Variants in BRPF3 observed in about 807,000 individuals in gnomAD.
The protein encoded by BRPF3 is bromodomain and PHD finger containing 3.
In BRPF3, 18 loss-of-function variants were observed where a neutral mutation model predicts 102.0. The observed-to-expected ratio is 0.18, with a 90% CI of 0.12 to 0.26. The LOEUF is 0.26. Among genes scored for constraint, BRPF3 ranks in the 10% least tolerant of loss-of-function variants. The pLI is 1.00. For synonymous variants in BRPF3, 570 were observed against 614.2 expected (o/e 0.93, Z 1.06); for missense variants, 1,147 against 1,567.8 (o/e 0.73, Z 4.53).
chr6:36,205,734 T>A (rs546969271), intron 3 of BRPF3, among the ~76,000 whole-genome samples: 14 of 152,298 alleles, frequency 9.2e-5, no homozygotes, highest in South Asian at 2.1e-4. Flanking sequence ...ATGGTAACAT[T>A]CCCAGTGGCT....
chr6:36,202,222 G>A (rs1033079932), intron 2 of BRPF3, among the ~76,000 whole-genome samples: 5 of 152,136 alleles, frequency 3.3e-5, no homozygotes, highest in African/African-American at 1.2e-4. Context: ...CTTGGGGAGG[G>A]TAGAACTAAT....
At chr6:36,213,385 AG>A (rs1768200828) in intron 7 of BRPF3, among the ~76,000 whole-genome samples, 1 of 152,194 alleles carries the variant, frequency 6.6e-6, no homozygotes, top group Non-Finnish European at 1.5e-5. Context: ...GAGAACTACT[AG>A]TGTAGATAAA....
In BRPF3 at chr6:36,225,484, G is replaced by T. The variant is rs1016109348; in HGVS notation, c.3279+120G>T. 3.8e-4 allele frequency: 338 copies of T among 888,606 alleles called. 2 individuals carry two copies. The highest frequency in any genetic ancestry group is 5.1e-4 in the Non-Finnish European group (303 of 593,650). 55.0% of individuals were successfully genotyped at this position (888,606 alleles called of 1,614,324 possible). On this transcript the variant is annotated intron_variant, in intron 11 of 12. Transcript: ENST00000357641. ...GAGTGTCTTTAGCTGTAGAGGGGAG[G>T]GGGGTTTTGCCCCAGCCTGAGTGGG...
intron 10 of BRPF3, among the ~76,000 whole-genome samples, chr6:36,224,990 G>A (rs1768681450): frequency 1.3e-5 from 2 of 152,226 alleles, no homozygotes; most frequent in Admixed American, 1.3e-4. Context: ...GTGTGTGGCT[G>A]CTTTCATGCT....
chr6:36,201,388 G>A lies in BRPF3; in HGVS notation c.1066G>A (p.Ala356Thr), dbSNP rs1223917743. The change falls in exon 2 of 13, where the codon GCT becomes ACT. Residue 356 changes from alanine to threonine, a missense_variant. Ala to Thr is a moderately conservative substitution (Grantham distance 58). Coordinates refer to ENST00000357641, the MANE Select transcript of BRPF3 (RefSeq NM_015695.3). This position sits in a 1 kb window ranked among gnomAD's most constrained non-coding sequence, Gnocchi z 5.1. ...ATTCCATGTGACATGTGCACAGCGGGCTGGGCTCTTCATGAAGATTGAGCC... is the reference window on the plus strand; with the variant it reads ...ATTCCATGTGACATGTGCACAGCGGACTGGGCTCTTCATGAAGATTGAGCC... ...TAFHVTCAQR[A>T]GLFMKIEPMR... is the part of the protein sequence containing the mutation. The A allele has an allele frequency of 6.2e-7, 1 of 1,614,144 alleles. No homozygotes were observed. The highest frequency in any genetic ancestry group is 1.1e-5 in the South Asian group (1 of 91,074).
rs968784899 is a variant in BRPF3 at position 36,231,044 on chromosome 6, GA to G, written c.*437del. 6.0e-6 allele frequency: 1 copy of G among 166,364 alleles called. No homozygotes were observed. The highest frequency in any genetic ancestry group is 2.4e-5 in the African/African-American group (1 of 41,768). The allele number at this position is 166,364 out of a possible 1,614,324, so 10.3% of individuals were successfully genotyped here. On this transcript the variant is annotated 3_prime_UTR_variant, in exon 13 of 13. Transcript: ENST00000357641. ...CGTGGATACGCCAGGGTCCCAGGGG[GA>G]ATCTCCCCAAGCTCACACTCTCTCC...
intron 9 of BRPF3, among the ~76,000 whole-genome samples, chr6:36,220,258 T>A (rs1768487002): frequency 6.6e-6 from 1 of 152,242 alleles, no homozygotes; most frequent in African/African-American, 2.4e-5. Flanking sequence ...CATTCTATAG[T>A]ACAGTATTAG....
chr6:36,220,611 G>A (rs892574539), intron 9 of BRPF3, among the ~76,000 whole-genome samples: 4 of 152,114 alleles, frequency 2.6e-5, no homozygotes, highest in South Asian at 2.1e-4. Flanking sequence ...TCATCTTGAC[G>A]TGAACTTTGA....
At chr6:36,216,408 A>G (rs1768330003) in intron 8 of BRPF3, among the ~76,000 whole-genome samples, 1 of 152,236 alleles carries the variant, frequency 6.6e-6, no homozygotes, top group Non-Finnish European at 1.5e-5. Context: ...AGATACTGCT[A>G]GAATCCTGTC....
At chr6:36,224,395 T>C (rs1170804819) in intron 10 of BRPF3, among the ~76,000 whole-genome samples, 1 of 152,148 alleles carries the variant, frequency 6.6e-6, no homozygotes, top group Non-Finnish European at 1.5e-5. Context: ...CTCATTCACA[T>C]GTGTTAGTGC....
chr6:36,221,107 G>A (rs575742306), intron 9 of BRPF3, among the ~76,000 whole-genome samples: 11 of 152,188 alleles, frequency 7.2e-5, no homozygotes, highest in South Asian at 4.1e-4. Flanking sequence ...CAGAAGCTAC[G>A]GTGTACATTA....
intron 10 of BRPF3, 68 bp downstream of exon 10, chr6:36,222,333 T>C: frequency 7.0e-7 from 1 of 1,436,344 alleles, no homozygotes; most frequent in Non-Finnish European, 9.6e-7. Context: ...TTCAGGCTGC[T>C]GCACTGCTGG....
intron 8 of BRPF3, among the ~76,000 whole-genome samples, chr6:36,217,256 T>G (rs1267062844): frequency 6.6e-6 from 1 of 152,146 alleles, no homozygotes; most frequent in Non-Finnish European, 1.5e-5. Flanking sequence ...AAGGAACCTG[T>G]GTTTCAGAGC....
intron 8 of BRPF3, 110 bp downstream of exon 8, chr6:36,214,496 C>A: frequency 7.7e-7 from 1 of 1,291,758 alleles, no homozygotes; most frequent in Non-Finnish European, 1.0e-6. Flanking sequence ...CATTGGACAG[C>A]AATAGTAGCA....
intron 7 of BRPF3, among the ~76,000 whole-genome samples, chr6:36,212,195 T>C (rs1021315115): frequency 1.3e-5 from 2 of 152,134 alleles, no homozygotes; most frequent in Non-Finnish European, 2.9e-5. Context: ...GCCAGGGAAG[T>C]GACTCTCAGA....
intron 10 of BRPF3, among the ~76,000 whole-genome samples, chr6:36,224,172 G>A (rs1768649325): frequency 6.6e-6 from 1 of 152,040 alleles, no homozygotes; most frequent in Non-Finnish European, 1.5e-5. Context: ...GACCAGCCTG[G>A]GCAACATAGT....
Position 36,201,906 on chromosome 6 carries a change from C to T in BRPF3, c.1448+136C>T. The T allele has an allele frequency of 7.6e-7, 1 of 1,317,234 alleles. No individual in the cohort carries two copies. Among genetic ancestry groups the T allele is most frequent in the Non-Finnish European group, 1.0e-6 (1 of 978,676 alleles). The allele number at this position is 1,317,234 out of a possible 1,614,324, so 81.6% of individuals were successfully genotyped here. A position where few individuals can be genotyped will look rare whatever the true frequency, so the allele number is the denominator to read the frequency against. ...GAATTTAAACTCTTCCTTTTGACCC[C>T]AGGCTCACCTGGCCTGGTTTGTGGT... On this transcript the variant is annotated intron_variant, in intron 2 of 12. Transcript: ENST00000357641. The surrounding 1 kb of genome is among the most constrained non-coding windows in gnomAD (Gnocchi z 5.1).
In BRPF3 at chr6:36,230,017, T is replaced by A. The variant is rs1007110554; in HGVS notation, c.3435-409T>A. On this transcript the variant is annotated intron_variant, in intron 12 of 12. Coordinates refer to ENST00000357641, the MANE Select transcript of BRPF3 (RefSeq NM_015695.3). The surrounding 1 kb of genome is among the most constrained non-coding windows in gnomAD (Gnocchi z 5.4). ...TGTGCAGGTCCCACCACAGATGAGT[T>A]TATCAGTTCCTGGCATCAGCTCTAC... Among the ~76,000 whole-genome samples, 7 of 152,166 alleles carry A rather than the reference T, an allele frequency of 4.6e-5. No homozygotes were observed. The highest frequency in any genetic ancestry group is 1.7e-4 in the African/African-American group (7 of 41,446).
At chr6:36,199,719 A>G (rs547545590) in intron 1 of BRPF3, among the ~76,000 whole-genome samples, 1 of 152,214 alleles carries the variant, frequency 6.6e-6, no homozygotes, top group East Asian at 1.9e-4. Flanking sequence ...CATCATTAGA[A>G]CATTAGATCT....
Sources: allele counts gnomAD v4.1 joint callset (sites outside exome capture counted in the v4.1 genomes callset), GRCh38; gene constraint gnomAD v4.1.1; non-coding constraint Gnocchi (gnomAD v3.1); transcripts MANE v1.5; gene names NCBI Gene and HGNC (gene_info 2026-07-23, HGNC 2026-07-21).